Variants in KDM4C observed in about 807,000 individuals in gnomAD.
The protein encoded by KDM4C is lysine-specific demethylase 4C.
KDM4C carries 81 observed loss-of-function variants against 129.3 expected under a neutral mutation model. The observed-to-expected ratio is 0.63, with a 90% CI of 0.52 to 0.75. The LOEUF (loss-of-function observed/expected upper bound fraction) is 0.75. KDM4C is among the 30% of genes least tolerant of loss of function. The pLI, the probability that KDM4C is intolerant of heterozygous loss-of-function variation, is 0.00. For synonymous variants in KDM4C, 573 were observed against 456.1 expected, an observed-to-expected ratio of 1.26 and a Z score of -3.26; for missense variants, 1,457 against 1,304.0, an observed-to-expected ratio of 1.12 and a Z score of -1.81.
At chr9:7,126,357 G>T (rs1407133371) in intron 18 of KDM4C, among the ~76,000 whole-genome samples, 1 of 152,178 alleles carries the variant, frequency 6.6e-6, no homozygotes, top group South Asian at 2.1e-4. Flanking sequence ...ATTGTCATTT[G>T]TGTTAGTTTT....
chr9:6,933,800 G>GT (rs906671846), intron 8 of KDM4C, among the ~76,000 whole-genome samples: 71 of 150,716 alleles, frequency 4.7e-4, no homozygotes, highest in Non-Finnish European at 2.2e-4. Flanking sequence ...AGAGTAAATG[G>GT]TTTTTTTTGA....
At chr9:6,742,383 TTTGGA>T (rs1817730856) in intron 1 of KDM4C, among the ~76,000 whole-genome samples, 1 of 152,144 alleles carries the variant, frequency 6.6e-6, no homozygotes, top group Non-Finnish European at 1.5e-5. Flanking sequence ...TTTGGATTCA[TTTGGA>T]TCTGTCTTTT....
chr9:7,105,881 G>C (rs10758826), intron 18 of KDM4C, among the ~76,000 whole-genome samples: 73,612 of 151,984 alleles, frequency 0.48, 18,465 homozygotes, highest in East Asian at 0.75. Flanking sequence ...AAATAGATGA[G>C]TTTGAGGTGA....
intron 4 of KDM4C, among the ~76,000 whole-genome samples, chr9:6,848,476 A>G (rs928619647): frequency 2.6e-5 from 4 of 152,074 alleles, no homozygotes; most frequent in African/African-American, 9.7e-5. Context: ...AGACCAGCCT[A>G]GGCAACATGG....
intron 1 of KDM4C, among the ~76,000 whole-genome samples, chr9:6,732,944 T>C (rs111451875): frequency 1.2e-4 from 18 of 151,302 alleles, no homozygotes; most frequent in Non-Finnish European, 2.1e-4. Context: ...AACCAGGAGG[T>C]GGAGGTTGCA....
At chr9:7,171,757 A>G (rs1165729955) in intron 21 of KDM4C, among the ~76,000 whole-genome samples, 1 of 152,154 alleles carries the variant, frequency 6.6e-6, no homozygotes, top group African/African-American at 2.4e-5. Flanking sequence ...CTCGGAACAC[A>G]GGTCCTGGAT....
rs753429621 is a variant in KDM4C, at chr9:6,805,583, ATTATT to A, written c.145-8_145-4del. The A allele has an allele frequency of 6.4e-7, 1 of 1,569,862 alleles. No individual in the cohort carries two copies. The highest frequency in any genetic ancestry group is 1.2e-5 in the South Asian group (1 of 84,938). ...TATTTTCAAGATGATATTTTATTTC[ATTATT>A]TTATTTTTAGGTGATTCCTCCTAAG... On this transcript the variant is annotated splice_polypyrimidine_tract_variant and intron_variant, in intron 2 of 21. Transcript: ENST00000381309.
intron 19 of KDM4C, among the ~76,000 whole-genome samples, chr9:7,136,756 C>A (rs1251992786): frequency 6.6e-6 from 1 of 152,144 alleles, no homozygotes; most frequent in Non-Finnish European, 1.5e-5. Flanking sequence ...CAAACACTTT[C>A]TCCTGGTTCG....
intron 5 of KDM4C, among the ~76,000 whole-genome samples, chr9:6,877,743 G>C (rs866222375): frequency 1.3e-5 from 2 of 152,140 alleles, no homozygotes; most frequent in Admixed American, 6.5e-5. Context: ...TTGGCTCTTG[G>C]TTGAATTTCT....
At chr9:7,122,443 G>T (rs1009824973) in intron 18 of KDM4C, among the ~76,000 whole-genome samples, 1 of 152,086 alleles carries the variant, frequency 6.6e-6, no homozygotes, top group Non-Finnish European at 1.5e-5. Context: ...TGGGGACACA[G>T]AGCCAAACCA....
At chr9:6,913,902 A>C (rs977162114) in intron 8 of KDM4C, among the ~76,000 whole-genome samples, 3 of 152,244 alleles carry the variant, frequency 2.0e-5, no homozygotes, top group Non-Finnish European at 4.4e-5. Flanking sequence ...AAGGGATAGT[A>C]TGAGAGTTGA....
chr9:6,897,951 T>C (rs1049547927), intron 8 of KDM4C, among the ~76,000 whole-genome samples: 2 of 152,230 alleles, frequency 1.3e-5, no homozygotes, highest in African/African-American at 4.8e-5. Flanking sequence ...CATTCTTTCC[T>C]TCTGTGGTGG....
intron 12 of KDM4C, among the ~76,000 whole-genome samples, chr9:6,993,186 A>G (rs1819060933): frequency 6.6e-6 from 1 of 152,172 alleles, no homozygotes; most frequent in Non-Finnish European, 1.5e-5. Context: ...GGTGGAGAAG[A>G]GGGGGCTATG....
intron 1 of KDM4C, among the ~76,000 whole-genome samples, chr9:6,792,646 C>CA (rs1397356526): frequency 2.0e-5 from 3 of 152,092 alleles, no homozygotes; most frequent in Non-Finnish European, 2.9e-5. Context: ...CTTGGCCCCC[C>CA]AAAGTGCTGA....
At position 6,763,212 on chromosome 9, in the gene KDM4C, T is replaced by C. The variant is rs1273294029; in HGVS notation, c.-18+5009T>C. Among the ~76,000 whole-genome samples, 3 of 152,156 alleles carry C rather than the reference T, an allele frequency of 2.0e-5. No homozygotes were observed. In the East Asian group the frequency reaches 5.8e-4, roughly 29 times the overall value. ...GAAAAAGTCCTAACTCTCAGCTCTGTGTGTGACTGCCCAGCCAGTCTCCTT... is the reference window on the plus strand; with the variant it reads ...GAAAAAGTCCTAACTCTCAGCTCTGCGTGTGACTGCCCAGCCAGTCTCCTT... On this transcript the variant is annotated intron_variant, in intron 1 of 21. Coordinates refer to ENST00000381309, the MANE Select transcript of KDM4C (RefSeq NM_015061.6).
At chr9:6,988,641 T>G (rs550847858) in intron 11 of KDM4C, among the ~76,000 whole-genome samples, 1 of 151,070 alleles carries the variant, frequency 6.6e-6, no homozygotes, top group Non-Finnish European at 1.5e-5. Flanking sequence ...ATAAGTATTA[T>G]GTTATTTTTT....
chr9:6,871,893 G>T (rs1842869254), intron 5 of KDM4C, among the ~76,000 whole-genome samples: 1 of 152,154 alleles, frequency 6.6e-6, no homozygotes, highest in Non-Finnish European at 1.5e-5. Flanking sequence ...GCAGCATCTT[G>T]CTTTGGGAAG....
At chr9:6,756,045 A>C (rs1035301220), upstream of KDM4C, among the ~76,000 whole-genome samples, 1 of 152,228 alleles carries the variant, frequency 6.6e-6, no homozygotes, top group Admixed American at 6.5e-5. Flanking sequence ...TTATTTGTGC[A>C]TCTGCAAATT....
intron 12 of KDM4C, among the ~76,000 whole-genome samples, chr9:6,996,302 T>C (rs989626267): frequency 6.6e-6 from 1 of 152,234 alleles, no homozygotes; most frequent in Non-Finnish European, 1.5e-5. Flanking sequence ...TCATCCTGCA[T>C]TGACATCAGT....
Sources: gnomAD v4.1 joint callset for allele counts (sites outside exome capture counted in the v4.1 genomes callset) on GRCh38, gnomAD v4.1.1 for gene constraint, MANE v1.5 for transcripts, NCBI Gene and HGNC (gene_info 2026-07-23, HGNC 2026-07-21) for gene names.